LIG1: variants seen among roughly 807,000 people sequenced by gnomAD.
LIG1 encodes DNA ligase 1.
Under a neutral mutation model 115.7 loss-of-function variants are expected in LIG1, and 70 were observed. The observed-to-expected ratio is 0.60, with a 90% CI of 0.50 to 0.74. The LOEUF (loss-of-function observed/expected upper bound fraction) is 0.74, where lower values mean the gene tolerates loss of function less well. Ranked by LOEUF, LIG1 falls within the 30% of genes least tolerant of loss-of-function variation. The probability of loss-of-function intolerance (pLI) is 0.00; values close to 1 mark genes in which losing one functional copy is unlikely to be tolerated. For missense variants in LIG1, 1,115 were observed against 1,225.6 expected, an observed-to-expected ratio of 0.91 and a Z score of 1.35; for synonymous variants, 487 against 495.3, an observed-to-expected ratio of 0.98 and a Z score of 0.22.
At chr19:48,156,231 C>T (rs1439499470) in intron 5 of LIG1, among the ~76,000 whole-genome samples, 2 of 152,162 alleles carry the variant, frequency 1.3e-5, no homozygotes, top group African/African-American at 4.8e-5. Flanking sequence ...TAGCATGCTC[C>T]CCTCCTCCTT....
intron 2 of LIG1, 121 bp downstream of exon 2, chr19:48,165,429 T>C: frequency 1.2e-6 from 1 of 848,594 alleles, no homozygotes; most frequent in Non-Finnish European, 2.0e-6. Context: ...TCCTGGAAAT[T>C]CCAACTCAAA....
chr19:48,168,884 C>T (rs2036613188), intron 1 of LIG1, among the ~76,000 whole-genome samples: 1 of 152,072 alleles, frequency 6.6e-6, no homozygotes, highest in African/African-American at 2.4e-5. Context: ...CACTGAAAAC[C>T]GCTGACTTGT....
In LIG1 at chr19:48,150,214, C is replaced by T. The variant is rs755278063; in HGVS notation, c.575-4G>A. The stretch of plus-strand genomic sequence containing the variant: ...CTTTCCGTCGGGGTCTCTGCTTCTG[C>T]GGTGAGAGAGCTCAGACGGTGATGC... On this transcript the variant is annotated splice_region_variant and splice_polypyrimidine_tract_variant and intron_variant, in intron 7 of 27. Coordinates refer to ENST00000263274, the MANE Select transcript of LIG1 (RefSeq NM_000234.3). 1.4e-5 allele frequency: 22 copies of T among 1,613,996 alleles called. No homozygotes were observed. Among genetic ancestry groups the T allele is most frequent in the Middle Eastern group, 1.6e-4 (1 of 6,084 alleles).
Position 48,137,980 on chromosome 19 carries a change from T to C in LIG1, c.1088-292A>G. 1 of 516,446 alleles carries C rather than the reference T, an allele frequency of 1.9e-6. No homozygotes were observed. Among genetic ancestry groups the C allele is most frequent in the Non-Finnish European group, 3.6e-6 (1 of 281,492 alleles). The allele number at this position is 516,446 out of a possible 1,614,324, so 32.0% of individuals were successfully genotyped here. On this transcript the variant is annotated intron_variant, in intron 12 of 27. Transcript: ENST00000263274. This position sits in a 1 kb window ranked among gnomAD's most constrained non-coding sequence, Gnocchi z 4.3. ...TGGGCCGGTGTCATCAGGGCGCGGA[T>C]GGGATTTAAAGCCACAGGCGGGACA...
At chr19:48,146,942 G>C (rs1246504605) in intron 9 of LIG1, among the ~76,000 whole-genome samples, 5 of 152,182 alleles carry the variant, frequency 3.3e-5, no homozygotes, top group Non-Finnish European at 7.3e-5. Flanking sequence ...TCATGTCAAT[G>C]TGTGTAAAAT....
chr19:48,156,422 G>T (rs1334675921), intron 5 of LIG1, among the ~76,000 whole-genome samples: 4 of 152,214 alleles, frequency 2.6e-5, no homozygotes, highest in Non-Finnish European at 5.9e-5. Context: ...GCTGGGCCCA[G>T]TTCTGAGCAG....
chr19:48,134,160 C>T, intron 16 of LIG1, 94 bp from the exon 17 acceptor site: 3 of 1,137,098 alleles, frequency 2.6e-6, no homozygotes, highest in South Asian at 1.3e-5. Flanking sequence ...AGCCTGGGCT[C>T]CTGGATGCCT....
In LIG1 at chr19:48,135,773, G is replaced by A. The variant is rs781173278; in HGVS notation, c.1430C>T (p.Pro477Leu). 1.9e-6 allele frequency: 3 copies of A among 1,613,866 alleles called. No individual in the cohort carries two copies. The Admixed American group carries it at 5.0e-5, about 27-fold the overall frequency. The change falls in exon 16 of 28, where the codon CCA (proline) becomes CTA (leucine). Residue 477 changes from proline (P) to leucine (L), a missense_variant. Coordinates refer to ENST00000263274, the MANE Select transcript of LIG1 (RefSeq NM_000234.3). ...CTTCCCAGCATCCACCATGGCTGGT[G>A]GGAATTCTAAGAAAAGACCCACCAG... ...VSLTPPGQEF[P>L]PAMVDAGKGK... is the part of the protein sequence containing the mutation.
intron 17 of LIG1, 183 bp from the exon 18 acceptor site, chr19:48,133,280 T>C: frequency 3.3e-6 from 2 of 603,832 alleles, no homozygotes; most frequent in Non-Finnish European, 5.9e-6. Context: ...CCGGCCTTCC[T>C]TCCAGGTGGG....
intron 9 of LIG1, among the ~76,000 whole-genome samples, chr19:48,148,417 A>G (rs2035259712): frequency 6.6e-6 from 1 of 150,862 alleles, no homozygotes; most frequent in Non-Finnish European, 1.5e-5. Flanking sequence ...TGAAGGTGCA[A>G]TGAGCTGAGA....
At chr19:48,168,568 G>A (rs1458472754) in intron 1 of LIG1, among the ~76,000 whole-genome samples, 1 of 152,108 alleles carries the variant, frequency 6.6e-6, no homozygotes, top group African/African-American at 2.4e-5. Flanking sequence ...CTCACAGGTG[G>A]ACCAAGTGAG....
At chr19:48,123,594 T>G in intron 21 of LIG1, 2 of 518,308 alleles carry the variant, frequency 3.9e-6, no homozygotes, top group East Asian at 3.5e-5. Context: ...ATTAACACTT[T>G]ACGGGCATCT....
intron 9 of LIG1, chr19:48,145,943 T>A (rs1451357615): frequency 6.6e-6 from 1 of 152,154 alleles, no homozygotes; most frequent in Non-Finnish European, 1.5e-5. Context: ...CTGTCCCACC[T>A]CCCCGCTTTA....
At chr19:48,169,666 G>A (rs532738397) in intron 1 of LIG1, 1 of 166,004 alleles carries the variant, frequency 6.0e-6, no homozygotes, top group South Asian at 1.2e-4. Flanking sequence ...AGGTGATGCT[G>A]CTGCCCGCGA....
chr19:48,149,789 A>G lies in LIG1; in HGVS notation c.750T>C (p.Ala250=). 6.2e-7 allele frequency: 1 copy of G among 1,614,078 alleles called. No individual in the cohort carries two copies. The highest frequency in any genetic ancestry group is 8.5e-7 in the Non-Finnish European group (1 of 1,179,984). ...KKEVKEEEPG[A]PGKEGAAEGP... ...CCTCAGCAGCTCCCTCCTTTCCTGGAGCCCCTGGCTCCTCTTCCTTCACTT... is the reference window on the plus strand; with the variant it reads ...CCTCAGCAGCTCCCTCCTTTCCTGGGGCCCCTGGCTCCTCTTCCTTCACTT... Residue 250 remains alanine, a synonymous_variant, in exon 9 of 28, where the codon GCT becomes GCC. Coordinates refer to ENST00000263274, the MANE Select transcript of LIG1 (RefSeq NM_000234.3).
At chr19:48,141,531 A>G (rs2034756936) in intron 11 of LIG1, among the ~76,000 whole-genome samples, 1 of 152,234 alleles carries the variant, frequency 6.6e-6, no homozygotes, top group Admixed American at 6.5e-5. Flanking sequence ...GCACCGAAAG[A>G]GTCCGTGGCT....
At chr19:48,119,098 G>GA in intron 25 of LIG1, 39 bp downstream of exon 25, 1 of 1,512,282 alleles carries the variant, frequency 6.6e-7, no homozygotes, top group Non-Finnish European at 9.0e-7. Context: ...GGGCAGGGGG[G>GA]AGAGGGGTGG....
At chr19:48,117,561 G>C in intron 26 of LIG1, 77 bp downstream of exon 26, 1 of 1,478,450 alleles carries the variant, frequency 6.8e-7, no homozygotes, top group South Asian at 1.2e-5. Flanking sequence ...GTGAGCCAAG[G>C]TCCCCTCCCT....
intron 11 of LIG1, among the ~76,000 whole-genome samples, chr19:48,141,379 G>A (rs1301298580): frequency 2.0e-5 from 3 of 151,304 alleles, no homozygotes; most frequent in East Asian, 3.9e-4. Flanking sequence ...TGATCCGCCC[G>A]CCTCGGCCTC....
Sources: allele counts gnomAD v4.1 joint callset (sites outside exome capture counted in the v4.1 genomes callset), GRCh38; gene constraint gnomAD v4.1.1; non-coding constraint Gnocchi (gnomAD v3.1); transcripts MANE v1.5; gene names NCBI Gene and HGNC (gene_info 2026-07-23, HGNC 2026-07-21).